Variants in CDH13 observed in about 807,000 individuals in gnomAD.
The protein encoded by CDH13 is cadherin 13, also known as cadherin-13.
Under a neutral mutation model 63.8 loss-of-function variants are expected in CDH13, and 24 were observed. That is an observed-to-expected ratio of 0.38 (90% CI 0.27 to 0.53). The LOEUF is 0.53. Among genes scored for constraint, CDH13 ranks in the 20% least tolerant of loss-of-function variants. The probability of loss-of-function intolerance (pLI) is 0.85; values close to 1 mark genes in which losing one functional copy is unlikely to be tolerated. For missense variants in CDH13, 1,049 were observed against 903.1 expected (o/e 1.16, Z -2.07); for synonymous variants, 503 against 355.3 (o/e 1.42, Z -4.67).
chr16:83,286,531 G>T (rs868617380), intron 5 of CDH13, among the ~76,000 whole-genome samples: 2 of 151,976 alleles, frequency 1.3e-5, no homozygotes, highest in Non-Finnish European at 2.9e-5. Flanking sequence ...CAAGGCAGAC[G>T]GATTGCCTGA....
At chr16:82,929,245 G>A (rs1266358876) in intron 2 of CDH13, among the ~76,000 whole-genome samples, 1 of 152,050 alleles carries the variant, frequency 6.6e-6, no homozygotes, top group Non-Finnish European at 1.5e-5. Context: ...CTGGAGGTAG[G>A]GCTTTCATGA....
intron 1 of CDH13, among the ~76,000 whole-genome samples, chr16:82,838,615 C>T (rs961162676): frequency 6.6e-6 from 1 of 152,186 alleles, no homozygotes; most frequent in Non-Finnish European, 1.5e-5. Context: ...TGTGCCTTCT[C>T]TGCATGAGCC....
intron 5 of CDH13, among the ~76,000 whole-genome samples, chr16:83,298,031 C>G (rs1285385265): frequency 1.1e-5 from 1 of 90,362 alleles, no homozygotes; most frequent in Non-Finnish European, 2.2e-5. Context: ...GGTAACATGG[C>G]AAAACCTTGT....
intron 5 of CDH13, among the ~76,000 whole-genome samples, chr16:83,254,098 A>G (rs924468867): frequency 2.0e-5 from 3 of 152,170 alleles, no homozygotes; most frequent in Non-Finnish European, 4.4e-5. Flanking sequence ...TGGAAGCAAG[A>G]CAGATAACAC....
At chr16:83,148,945 A>G (rs1173061901) in intron 4 of CDH13, among the ~76,000 whole-genome samples, 2 of 152,202 alleles carry the variant, frequency 1.3e-5, no homozygotes, top group Non-Finnish European at 2.9e-5. Flanking sequence ...ATCTTAAATT[A>G]AGGTAATTGA....
chr16:83,576,187 C>CA (rs1567778092), intron 7 of CDH13, among the ~76,000 whole-genome samples: 2 of 152,048 alleles, frequency 1.3e-5, no homozygotes, highest in Admixed American at 6.5e-5. Context: ...CAGTCCCTGG[C>CA]TAAAAACAAC....
chr16:82,751,751 A>G (rs2151070684), intron 1 of CDH13, among the ~76,000 whole-genome samples: 1 of 152,088 alleles, frequency 6.6e-6, no homozygotes, highest in Non-Finnish European at 1.5e-5. Flanking sequence ...AAGAGATCGC[A>G]CGTTTTCGTT....
At chr16:82,700,813 A>G (rs747439064) in intron 1 of CDH13, among the ~76,000 whole-genome samples, 5 of 152,062 alleles carry the variant, frequency 3.3e-5, no homozygotes, top group Non-Finnish European at 7.4e-5. Context: ...CCAATACATC[A>G]AGTTGTGTTT....
chr16:83,376,929 G>C (rs1469321668), intron 6 of CDH13, among the ~76,000 whole-genome samples: 1 of 152,122 alleles, frequency 6.6e-6, no homozygotes, highest in Non-Finnish European at 1.5e-5. Context: ...TAAGAAGTTT[G>C]GCTACCTGGA....
At chr16:83,449,672 G>C (rs1482978574) in intron 6 of CDH13, among the ~76,000 whole-genome samples, 1 of 152,136 alleles carries the variant, frequency 6.6e-6, no homozygotes, top group Non-Finnish European at 1.5e-5. Context: ...AATAATCATG[G>C]TGAAGACAAG....
chr16:82,836,677 C>T (rs985779780), intron 1 of CDH13, among the ~76,000 whole-genome samples: 5 of 152,104 alleles, frequency 3.3e-5, no homozygotes, highest in Admixed American at 2.6e-4. Flanking sequence ...ACATCACAGC[C>T]CACGATGATG....
chr16:83,712,528 G>A (rs953266136), intron 10 of CDH13, among the ~76,000 whole-genome samples: 38 of 152,170 alleles, frequency 2.5e-4, no homozygotes, highest in African/African-American at 7.7e-4. Flanking sequence ...CATGCTCTGC[G>A]CCCTGCATTT....
intron 1 of CDH13, among the ~76,000 whole-genome samples, chr16:82,677,489 C>G (rs896981081): frequency 7.0e-6 from 1 of 142,628 alleles, no homozygotes; most frequent in Middle Eastern, 3.9e-3. Flanking sequence ...ATGAAATCCC[C>G]ACTGCTGAGC....
intron 10 of CDH13, among the ~76,000 whole-genome samples, chr16:83,685,493 G>C (rs1904298163): frequency 6.6e-6 from 1 of 152,170 alleles, no homozygotes; most frequent in African/African-American, 2.4e-5. Flanking sequence ...TCATGCCATG[G>C]TATTTATGTA....
chr16:82,738,717 C>G (rs556376356), intron 1 of CDH13, among the ~76,000 whole-genome samples: 4 of 152,324 alleles, frequency 2.6e-5, no homozygotes, highest in Non-Finnish European at 4.4e-5. Context: ...TGTGCATTCT[C>G]TAGTGCATTT....
intron 2 of CDH13, among the ~76,000 whole-genome samples, chr16:82,986,843 C>T (rs1215048656): frequency 1.3e-5 from 2 of 152,154 alleles, no homozygotes; most frequent in Non-Finnish European, 2.9e-5. Context: ...ACCTGGAACT[C>T]CAAATTTCCC....
chr16:83,708,155 A>G (rs1298133080), intron 10 of CDH13, among the ~76,000 whole-genome samples: 1 of 152,206 alleles, frequency 6.6e-6, no homozygotes, highest in Non-Finnish European at 1.5e-5. Context: ...GGATCCACCC[A>G]AAGCCACCGG....
intron 1 of CDH13, among the ~76,000 whole-genome samples, chr16:82,723,695 A>C (rs959042611): frequency 1.3e-5 from 2 of 152,222 alleles, no homozygotes; most frequent in Non-Finnish European, 2.9e-5. Context: ...ACAGGAGTGA[A>C]AGATAAATCT....
intron 3 of CDH13, among the ~76,000 whole-genome samples, chr16:83,065,597 C>T (rs979610134): frequency 6.6e-6 from 1 of 151,562 alleles, no homozygotes; most frequent in African/African-American, 2.4e-5. Context: ...TCCAGCTAGT[C>T]GGGAGGCTAA....
Sources: gnomAD v4.1 joint callset for allele counts (sites outside exome capture counted in the v4.1 genomes callset) on GRCh38, gnomAD v4.1.1 for gene constraint, MANE v1.5 for transcripts, NCBI Gene and HGNC (gene_info 2026-07-23, HGNC 2026-07-21) for gene names.